Variants in IQCE observed in about 807,000 individuals in gnomAD.
The protein encoded by IQCE is IQ motif containing E.
In IQCE, 115 loss-of-function variants were observed where a neutral mutation model predicts 96.0. That is an observed-to-expected ratio of 1.20 (90% confidence interval 1.03 to 1.40). The LOEUF is 1.40. Ranked by LOEUF, IQCE falls within the 40% of genes most tolerant of loss-of-function variation. IQCE has a pLI of 0.00. For missense variants in IQCE, 1,041 were observed against 909.1 expected, an observed-to-expected ratio of 1.15 and a Z score of -1.87; for synonymous variants, 412 against 371.2, an observed-to-expected ratio of 1.11 and a Z score of -1.26.
intron 11 of IQCE, among the ~76,000 whole-genome samples, chr7:2,585,929 C>G (rs904036118): frequency 1.3e-5 from 2 of 152,176 alleles, no homozygotes; most frequent in African/African-American, 4.8e-5. Context: ...CACAGCCCTT[C>G]TAGTGATGGC....
At chr7:2,598,681 T>C in intron 17 of IQCE, 49 bp downstream of exon 17, 1 of 1,419,504 alleles carries the variant, frequency 7.0e-7, no homozygotes, top group African/African-American at 1.5e-5. Flanking sequence ...GTCTTCGTGC[T>C]CCAAGGCAAG....
intron 9 of IQCE, among the ~76,000 whole-genome samples, chr7:2,583,234 G>A (rs1782815846): frequency 1.3e-5 from 2 of 152,208 alleles, no homozygotes; most frequent in South Asian, 2.1e-4. Flanking sequence ...GGGATGGCCT[G>A]ACAGTGCCAG....
At position 2,598,574 on chromosome 7, in the gene IQCE, G is replaced by T. The variant is rs772561862; in HGVS notation, c.1550G>T (p.Gly517Val). ...CGGCCCCGCTCCCCCTGCTCTGATGGGAGAAGAGACGCCGCGGCCAGAGTC... is the reference window on the plus strand; with the variant it reads ...CGGCCCCGCTCCCCCTGCTCTGATGTGAGAAGAGACGCCGCGGCCAGAGTC... ...LPRPRSPCSD[G>V]RRDAAARVLQ... Residue 517 changes from glycine to valine, a missense_variant, in exon 17 of 22, where the codon GGG becomes GTG. Physicochemically the swap from Gly to Val is moderately radical, Grantham distance 109 (BLOSUM62 -3). Coordinates refer to ENST00000402050, the MANE Select transcript of IQCE (RefSeq NM_152558.5). 2 of 1,607,654 alleles carry T rather than the reference G, an allele frequency of 1.2e-6. No individual in the cohort carries two copies. Among genetic ancestry groups the T allele is most frequent in the Non-Finnish European group, 1.7e-6 (2 of 1,177,272 alleles).
intron 13 of IQCE, among the ~76,000 whole-genome samples, 178 bp from the exon 14 acceptor site, chr7:2,589,729 A>T (rs900563701): frequency 6.6e-6 from 1 of 152,184 alleles, no homozygotes; most frequent in Non-Finnish European, 1.5e-5. Flanking sequence ...AGCAGGGATC[A>T]TGCTCTTCCA....
intron 3 of IQCE, among the ~76,000 whole-genome samples, chr7:2,570,593 A>G: frequency 6.7e-6 from 1 of 148,204 alleles, no homozygotes; most frequent in South Asian, 2.1e-4. Flanking sequence ...AAACTTAAAC[A>G]TTTTGAACAT....
chr7:2,604,844 A>G, intron 18 of IQCE, 37 bp from the exon 19 acceptor site: 1 of 1,542,576 alleles, frequency 6.5e-7, no homozygotes, highest in Non-Finnish European at 8.9e-7. Flanking sequence ...CCGGGCACTC[A>G]CACCCACTTT....
At position 2,581,905 on chromosome 7, in the gene IQCE, G is replaced by A. The variant is rs183834347; in HGVS notation, c.631-675G>A. ...TTTTTTGTATTTTTAGTAGAGACGGGGTTTCACCTTGTTAGCCAGGATGGT... is the reference window on the plus strand; with the variant it reads ...TTTTTTGTATTTTTAGTAGAGACGGAGTTTCACCTTGTTAGCCAGGATGGT... On this transcript the variant is annotated intron_variant, in intron 8 of 21. Coordinates refer to ENST00000402050, the MANE Select transcript of IQCE (RefSeq NM_152558.5). 1,085 of 293,022 alleles carry A rather than the reference G, an allele frequency of 3.7e-3. 14 individuals are homozygous for A. Among genetic ancestry groups the A allele is most frequent in the South Asian group, 0.018 (610 of 33,792 alleles). 18.2% of individuals were successfully genotyped at this position (293,022 alleles called of 1,614,324 possible). A position where few individuals can be genotyped will look rare whatever the true frequency, so the allele number is the denominator to read the frequency against.
In IQCE at chr7:2,559,342, G is replaced by T. The variant is rs1056138797; in HGVS notation, c.36+125G>T. ...GGGCGTGAGGACGGGGCGCACGGCC[G>T]GGTGACAGCTGCCATTATTGTTACC... On this transcript the variant is annotated intron_variant, in intron 1 of 21. Transcript: ENST00000402050. 4 of 426,514 alleles carry T rather than the reference G, an allele frequency of 9.4e-6. No individual in the cohort carries two copies. The East Asian group carries it at 1.4e-4, about 15-fold the overall frequency. 26.4% of individuals were successfully genotyped at this position (426,514 alleles called of 1,614,324 possible). A position where few individuals can be genotyped will look rare whatever the true frequency, so the allele number is the denominator to read the frequency against.
At chr7:2,567,588 G>C (rs1781472188) in intron 2 of IQCE, among the ~76,000 whole-genome samples, 1 of 152,270 alleles carries the variant, frequency 6.6e-6, no homozygotes, top group Non-Finnish European at 1.5e-5. Context: ...AGAGGGGCAG[G>C]AGTGGTGTCC....
intron 12 of IQCE, 142 bp from the exon 13 acceptor site, chr7:2,587,680 A>G (rs930713573): frequency 6.8e-5 from 53 of 784,712 alleles, no homozygotes; most frequent in Middle Eastern, 3.0e-4. Context: ...ATTCTCTGGT[A>G]GCCAGGACCT....
intron 14 of IQCE, among the ~76,000 whole-genome samples, chr7:2,591,050 C>G (rs574435974): frequency 3.9e-5 from 6 of 152,156 alleles, no homozygotes; most frequent in Non-Finnish European, 7.4e-5. Flanking sequence ...TCCAGGAGTT[C>G]GAGACCAACC....
intron 14 of IQCE, among the ~76,000 whole-genome samples, chr7:2,591,383 G>C (rs1583471045): frequency 6.6e-6 from 1 of 152,178 alleles, no homozygotes; most frequent in East Asian, 1.9e-4. Context: ...CCTGGCTCCT[G>C]TCCTCCTCCT....
chr7:2,585,875 A>T (rs1783061642), intron 11 of IQCE, among the ~76,000 whole-genome samples: 1 of 152,138 alleles, frequency 6.6e-6, no homozygotes, highest in Admixed American at 6.5e-5. Flanking sequence ...AAGAGGCGAA[A>T]CCCGAGCTAT....
At chr7:2,578,560 C>G (rs377402337) in intron 8 of IQCE, 34 bp downstream of exon 8, 6 of 1,611,514 alleles carry the variant, frequency 3.7e-6, no homozygotes, top group Non-Finnish European at 5.1e-6. Flanking sequence ...GAGCCTTTCC[C>G]CAGACGCTAG....
In IQCE at chr7:2,576,890, T is replaced by TGGGAG. The variant is rs1782165487; in HGVS notation, c.466-1351_466-1347dup. 2.6e-5 allele frequency among the ~76,000 whole-genome samples: 4 copies of TGGGAG among 152,314 alleles called. No individual in the cohort carries two copies. In the South Asian group the frequency reaches 8.3e-4, roughly 32 times the overall value. ...CAAAACGGACTTTCTTGTGTGGTCA[T>TGGGAG]GGGAGAAAACGCGTGGTGCGGCACC... On this transcript the variant is annotated intron_variant, in intron 6 of 21. Coordinates refer to ENST00000402050, the MANE Select transcript of IQCE (RefSeq NM_152558.5).
At chr7:2,609,293 A>C (rs1785006714) in intron 21 of IQCE, among the ~76,000 whole-genome samples, 1 of 149,154 alleles carries the variant, frequency 6.7e-6, no homozygotes, top group Non-Finnish European at 1.5e-5. Context: ...GTGGCCAGCG[A>C]GTTAACAGGG....
intron 18 of IQCE, among the ~76,000 whole-genome samples, chr7:2,603,200 G>A (rs923417326): frequency 6.6e-6 from 1 of 152,014 alleles, no homozygotes; most frequent in Non-Finnish European, 1.5e-5. Context: ...CCTCCCACCT[G>A]TCCACCCACC....
intron 16 of IQCE, among the ~76,000 whole-genome samples, chr7:2,597,545 G>C (rs1421781096): frequency 6.6e-6 from 1 of 152,262 alleles, no homozygotes; most frequent in Admixed American, 6.5e-5. Context: ...CTCCGGGGAG[G>C]GCTTTCAGCA....
intron 11 of IQCE, among the ~76,000 whole-genome samples, chr7:2,585,902 G>GTT (rs1023011150): frequency 1.3e-4 from 20 of 152,184 alleles, no homozygotes; most frequent in Admixed American, 3.3e-4. Flanking sequence ...AGCACCTGGC[G>GTT]TAACAAGATG....
Sources: gnomAD v4.1 joint callset for allele counts (sites outside exome capture counted in the v4.1 genomes callset) on GRCh38, gnomAD v4.1.1 for gene constraint, MANE v1.5 for transcripts, NCBI Gene and HGNC (gene_info 2026-07-23, HGNC 2026-07-21) for gene names.